LPP: variants seen among roughly 807,000 people sequenced by gnomAD.
The protein encoded by LPP is lipoma-preferred partner.
LPP carries 38 observed loss-of-function variants against 60.4 expected under a neutral mutation model. The ratio of observed to expected loss-of-function variants is 0.63; its 90% CI spans 0.49 to 0.83. LPP has a LOEUF of 0.83. Among genes scored for constraint, LPP ranks in the 40% least tolerant of loss-of-function variants. The pLI, the probability that LPP is intolerant of heterozygous loss-of-function variation, is 0.00. For synonymous variants in LPP, 328 were observed against 290.8 expected (o/e 1.13, Z -1.30); for missense variants, 902 against 783.6 (o/e 1.15, Z -1.80).
At chr3:188,272,016 A>T (rs923461451) in intron 2 of LPP, among the ~76,000 whole-genome samples, 1 of 152,132 alleles carries the variant, frequency 6.6e-6, no homozygotes, top group Non-Finnish European at 1.5e-5. Context: ...GGAAGCTGCT[A>T]TAACACAGCC....
chr3:188,725,748 C>A (rs11709497), intron 8 of LPP, among the ~76,000 whole-genome samples: 42,960 of 151,978 alleles, frequency 0.28, 7,461 homozygotes, highest in Middle Eastern at 0.54. Flanking sequence ...TAGCTCAATT[C>A]CAATATGATA....
At chr3:188,868,829 C>T (rs558091521) in intron 10 of LPP, among the ~76,000 whole-genome samples, 8 of 152,282 alleles carry the variant, frequency 5.3e-5, no homozygotes, top group Admixed American at 3.9e-4. Context: ...TTATAAAGAA[C>T]CCTCTGTGTG....
chr3:188,672,758 A>C (rs1444032940), intron 7 of LPP, among the ~76,000 whole-genome samples: 2 of 152,038 alleles, frequency 1.3e-5, no homozygotes, highest in Non-Finnish European at 2.9e-5. Context: ...CCTTCTCTCC[A>C]CTGCTTTGAC....
At chr3:188,640,719 T>G (rs1042728491) in intron 7 of LPP, among the ~76,000 whole-genome samples, 2 of 146,930 alleles carry the variant, frequency 1.4e-5, no homozygotes, top group Non-Finnish European at 3.0e-5. Context: ...TCTTTTGGAA[T>G]TTTTTTTTTT....
intron 2 of LPP, among the ~76,000 whole-genome samples, chr3:188,334,588 G>A (rs1364305832): frequency 2.6e-5 from 4 of 151,804 alleles, no homozygotes; most frequent in South Asian, 2.1e-4. Context: ...GCGCTACCAC[G>A]CCCGGCTAAT....
At chr3:188,588,207 G>C (rs535849407) in intron 6 of LPP, among the ~76,000 whole-genome samples, 7 of 152,282 alleles carry the variant, frequency 4.6e-5, no homozygotes, top group Admixed American at 4.6e-4. Flanking sequence ...TGTTTTTCAA[G>C]ACAAAATGTC....
intron 2 of LPP, among the ~76,000 whole-genome samples, chr3:188,253,853 A>C (rs1730760859): frequency 6.6e-6 from 1 of 152,100 alleles, no homozygotes; most frequent in East Asian, 1.9e-4. Context: ...GGGCTGCATA[A>C]ATTTTCTGTG....
chr3:188,863,341 T>A (rs1038907541), intron 9 of LPP, among the ~76,000 whole-genome samples: 1 of 152,194 alleles, frequency 6.6e-6, no homozygotes, highest in African/African-American at 2.4e-5. Context: ...CAACTTTCCT[T>A]TTTCATGGCC....
chr3:188,311,191 T>C (rs973883006), intron 2 of LPP, among the ~76,000 whole-genome samples: 1 of 151,728 alleles, frequency 6.6e-6, no homozygotes, highest in Non-Finnish European at 1.5e-5. Flanking sequence ...TTATATGCTC[T>C]CTCTCTCTCT....
At chr3:188,778,701 T>A (rs759286174) in intron 9 of LPP, among the ~76,000 whole-genome samples, 18 of 152,020 alleles carry the variant, frequency 1.2e-4, no homozygotes, top group Non-Finnish European at 2.4e-4. Flanking sequence ...CAGGCTTGAT[T>A]TACCAACCAC....
At chr3:188,179,464 T>C (rs572553439) in intron 1 of LPP, 1 of 457,872 alleles carries the variant, frequency 2.2e-6, no homozygotes, top group East Asian at 7.0e-5. Flanking sequence ...CCAGAGCTCC[T>C]TCCCTTCTGG....
intron 6 of LPP, among the ~76,000 whole-genome samples, chr3:188,540,968 C>CA (rs990269589): frequency 6.6e-6 from 1 of 152,180 alleles, no homozygotes; most frequent in African/African-American, 2.4e-5. Flanking sequence ...CAGCTAGAGC[C>CA]ATAATGGTCT....
At chr3:188,671,618 T>C (rs1856979020) in intron 7 of LPP, among the ~76,000 whole-genome samples, 1 of 152,180 alleles carries the variant, frequency 6.6e-6, no homozygotes, top group Non-Finnish European at 1.5e-5. Context: ...CAGAAAGTCA[T>C]GAATTCTGAT....
At chr3:188,200,331 C>G (rs912371217) in intron 1 of LPP, among the ~76,000 whole-genome samples, 2 of 151,356 alleles carry the variant, frequency 1.3e-5, no homozygotes, top group Non-Finnish European at 2.9e-5. Context: ...CTCACCGCAA[C>G]CTCTGCCTCC....
At chr3:188,196,290 G>C (rs1245483241) in intron 1 of LPP, among the ~76,000 whole-genome samples, 3 of 152,140 alleles carry the variant, frequency 2.0e-5, no homozygotes, top group African/African-American at 7.2e-5. Flanking sequence ...ATGCCTTTTG[G>C]ACACTCCAGT....
At chr3:188,853,376 T>C (rs1763110961) in intron 9 of LPP, among the ~76,000 whole-genome samples, 1 of 152,192 alleles carries the variant, frequency 6.6e-6, no homozygotes, top group Non-Finnish European at 1.5e-5. Flanking sequence ...TATGGTGCTG[T>C]GAAAGAACAG....
intron 8 of LPP, among the ~76,000 whole-genome samples, chr3:188,715,330 A>G (rs991068341): frequency 3.5e-5 from 5 of 142,326 alleles, no homozygotes; most frequent in Admixed American, 1.5e-4. Flanking sequence ...GTGAGCCAAG[A>G]TCGTGCCACT....
At chr3:188,765,958 C>T (rs868126668) in intron 9 of LPP, among the ~76,000 whole-genome samples, 1 of 150,228 alleles carries the variant, frequency 6.7e-6, no homozygotes, top group Non-Finnish European at 1.5e-5. Flanking sequence ...GCAATCTCCA[C>T]CTCCCGGATT....
intron 5 of LPP, among the ~76,000 whole-genome samples, chr3:188,490,751 A>ATTTTTTTTTTTTTTTTTTTT: frequency 1.1e-5 from 1 of 91,746 alleles, no homozygotes; most frequent in Non-Finnish European, 2.1e-5. Context: ...TGGCACTGGA[A>ATTTTTTTTTTTTTTTTTTTT]TTTTTTTTTT....
Sources: allele counts gnomAD v4.1 joint callset (sites outside exome capture counted in the v4.1 genomes callset), GRCh38; gene constraint gnomAD v4.1.1; transcripts MANE v1.5; gene names NCBI Gene and HGNC (gene_info 2026-07-23, HGNC 2026-07-21).